The following ELAVL2 variants were observed in gnomAD, a reference collection of about 807,000 sequenced individuals.
ELAVL2 encodes the protein ELAV-like protein 2.
In ELAVL2, 4 loss-of-function variants were observed where a neutral mutation model predicts 34.6. That is an observed-to-expected ratio of 0.12 (90% CI 0.06 to 0.26). The LOEUF is 0.26. Ranked by LOEUF, ELAVL2 falls within the 10% of genes least tolerant of loss-of-function variation. The pLI, the probability that ELAVL2 is intolerant of heterozygous loss-of-function variation, is 1.00. For synonymous variants in ELAVL2, 193 were observed against 154.8 expected, an observed-to-expected ratio of 1.25 and a Z score of -1.83; for missense variants, 432 against 442.8, an observed-to-expected ratio of 0.98 and a Z score of 0.22.
the ELAVL2 span, among the ~76,000 whole-genome samples, chr9:23,840,708 G>A: frequency 2.0e-5 from 3 of 152,066 alleles, no homozygotes; most frequent in Admixed American, 6.6e-5. Flanking sequence ...AGATAACCCC[G>A]GGAAATTGCA....
chr9:23,704,896 T>C (rs949415668), intron 4 of ELAVL2, 22 bp downstream of exon 4: 3 of 1,613,482 alleles, frequency 1.9e-6, no homozygotes, highest in Middle Eastern at 1.7e-4. Context: ...GGAAAGACTG[T>C]CCGGAGTGGC....
At chr9:23,702,962 A>AAAAAAAAAAAAAAAAAAAAAAAAAAAAAC (rs1482234625) in intron 4 of ELAVL2, among the ~76,000 whole-genome samples, 1 of 141,192 alleles carries the variant, frequency 7.1e-6, no homozygotes, top group African/African-American at 2.7e-5. Flanking sequence ...AAAAAAAAAA[A>AAAAAAAAAAAAAAAAAAAAAAAAAAAAAC]AAAAAAAAAA....
In ELAVL2 at chr9:23,773,102, A is replaced by T. The variant is rs77457234; in HGVS notation, c.-15-10853T>A. 3.6e-3 allele frequency among the ~76,000 whole-genome samples: 553 copies of T among 152,274 alleles called. 12 individuals carry two copies. The East Asian group carries it at 0.068, about 19-fold the overall frequency. ...GAGGGGGAGAATTTACATTCAATGC[A>T]AGTGTTATTTTTATTCAGTGATTCC... is the stretch of plus-strand genomic sequence containing the variant. On this transcript the variant is annotated intron_variant, in intron 1 of 6. Transcript: ENST00000397312.
chr9:23,821,078 T>A (rs1025189818), intron 1 of ELAVL2: 3 of 152,428 alleles, frequency 2.0e-5, no homozygotes, highest in Non-Finnish European at 4.4e-5. Context: ...CCGTAGCAAG[T>A]GGGCACACAC....
chr9:23,810,412 A>T (rs1588717223), intron 1 of ELAVL2, among the ~76,000 whole-genome samples: 2 of 152,136 alleles, frequency 1.3e-5, no homozygotes, highest in African/African-American at 4.8e-5. Flanking sequence ...AAAAAAAATT[A>T]TAAAAATAAA....
the ELAVL2 span, among the ~76,000 whole-genome samples, chr9:23,836,452 G>A: frequency 4.6e-5 from 7 of 152,182 alleles, no homozygotes; most frequent in East Asian, 9.7e-4. Flanking sequence ...ATAGAGTACT[G>A]ATGTATTCTA....
intron 3 of ELAVL2, among the ~76,000 whole-genome samples, chr9:23,721,188 A>C (rs899303422): frequency 1.4e-4 from 21 of 152,210 alleles, no homozygotes; most frequent in Admixed American, 5.2e-4. Flanking sequence ...ATGCAGACGT[A>C]AAATAAAGCC....
chr9:23,846,498 C>A, the ELAVL2 span, among the ~76,000 whole-genome samples: 2 of 151,898 alleles, frequency 1.3e-5, no homozygotes, highest in Non-Finnish European at 2.9e-5. Flanking sequence ...TTTTTAAAAT[C>A]ACTCTGCTTA....
intron 1 of ELAVL2, among the ~76,000 whole-genome samples, chr9:23,768,784 C>T (rs2136230741): frequency 6.6e-6 from 1 of 152,178 alleles, no homozygotes; most frequent in East Asian, 1.9e-4. Flanking sequence ...GAATTTGGGT[C>T]CAACTTCAGG....
the ELAVL2 span, among the ~76,000 whole-genome samples, chr9:23,833,701 T>TA: frequency 6.6e-6 from 1 of 151,816 alleles, no homozygotes; most frequent in Non-Finnish European, 1.5e-5. Flanking sequence ...TGATGAAAAA[T>TA]AAAAAATAAC....
At chr9:23,785,900 G>A (rs1020685735) in intron 1 of ELAVL2, among the ~76,000 whole-genome samples, 3 of 152,162 alleles carry the variant, frequency 2.0e-5, no homozygotes, top group Non-Finnish European at 4.4e-5. Context: ...CATTCCCAAA[G>A]AATAGATTGT....
chr9:23,740,258 C>G (rs1409830856), intron 2 of ELAVL2, among the ~76,000 whole-genome samples: 1 of 152,146 alleles, frequency 6.6e-6, no homozygotes, highest in African/African-American at 2.4e-5. Flanking sequence ...CAACTAGGAT[C>G]CTTACATTAC....
chr9:23,785,097 G>C (rs2059524847), intron 1 of ELAVL2, among the ~76,000 whole-genome samples: 1 of 152,164 alleles, frequency 6.6e-6, no homozygotes, highest in East Asian at 1.9e-4. Flanking sequence ...GCAAAACAGA[G>C]TTGACAAACC....
At chr9:23,789,867 T>C (rs534084868) in intron 1 of ELAVL2, among the ~76,000 whole-genome samples, 1 of 152,308 alleles carries the variant, frequency 6.6e-6, no homozygotes, top group Admixed American at 6.5e-5. Flanking sequence ...AGAAAACATA[T>C]TTGAAGTTTT....
At chr9:23,833,991 T>G in the ELAVL2 span, among the ~76,000 whole-genome samples, 4 of 152,130 alleles carry the variant, frequency 2.6e-5, no homozygotes, top group African/African-American at 9.6e-5. Context: ...TTCCTATTTC[T>G]AAATATTTTT....
At chr9:23,792,452 C>A (rs1240243283) in intron 1 of ELAVL2, among the ~76,000 whole-genome samples, 1 of 152,114 alleles carries the variant, frequency 6.6e-6, no homozygotes, top group Non-Finnish European at 1.5e-5. Context: ...CCAATATCTA[C>A]CCCTCATCCT....
rs556354595 is a variant in ELAVL2 at position 23,775,723 on chromosome 9, A to AC, written c.-15-13475dup. 3.9e-5 allele frequency among the ~76,000 whole-genome samples: 6 copies of AC among 151,970 alleles called. No individual in the cohort carries two copies. The South Asian group carries it at 1.0e-3, about 26-fold the overall frequency. On this transcript the variant is annotated intron_variant, in intron 1 of 6. Transcript: ENST00000397312. Reference sequence around the variant, plus strand: ...CTACCTCTTCATCCACATGCCCAGCACCCCCGCATCATATACACAAGCTCT... The same window carrying AC: ...CTACCTCTTCATCCACATGCCCAGCACCCCCCGCATCATATACACAAGCTCT...
At chr9:23,699,021 T>C (rs1053254335) in intron 5 of ELAVL2, among the ~76,000 whole-genome samples, 1 of 152,224 alleles carries the variant, frequency 6.6e-6, no homozygotes. Flanking sequence ...CAAGTTTCCC[T>C]TACAACTGAC....
chr9:23,713,264 CTTACCATTTCTTAAATTTT>C (rs1233025712), intron 3 of ELAVL2, among the ~76,000 whole-genome samples: 1 of 152,142 alleles, frequency 6.6e-6, no homozygotes, highest in African/African-American at 2.4e-5. Context: ...CCATAAATAC[CTTACCATTTCTTAAATTTT>C]TTACCTGCAG....
Sources: allele counts gnomAD v4.1 joint callset (sites outside exome capture counted in the v4.1 genomes callset), GRCh38; gene constraint gnomAD v4.1.1; transcripts MANE v1.5; gene names NCBI Gene and HGNC (gene_info 2026-07-23, HGNC 2026-07-21).